The following ATG5 variants were observed in gnomAD, a reference collection of about 807,000 sequenced individuals.
The protein encoded by ATG5 is autophagy related 5.
In ATG5, 14 loss-of-function variants were observed where a neutral mutation model predicts 36.5. The observed-to-expected ratio is 0.38, with a 90% CI of 0.25 to 0.60. The LOEUF (loss-of-function observed/expected upper bound fraction) is 0.60, where lower values mean the gene tolerates loss of function less well. Among genes scored for constraint, ATG5 ranks in the 20% least tolerant of loss-of-function variants. ATG5 has a pLI of 0.60. For missense variants in ATG5, 195 were observed against 326.7 expected, an observed-to-expected ratio of 0.60 and a Z score of 3.11; for synonymous variants, 95 against 101.5, an observed-to-expected ratio of 0.94 and a Z score of 0.38.
intron 1 of ATG5, among the ~76,000 whole-genome samples, chr6:106,324,629 A>C (rs927822003): frequency 2.0e-5 from 3 of 152,334 alleles, no homozygotes; most frequent in African/African-American, 4.8e-5. Flanking sequence ...TACACACTTG[A>C]GGTGTGTGCA....
intron 5 of ATG5, among the ~76,000 whole-genome samples, chr6:106,273,383 C>T (rs1403937784): frequency 6.6e-6 from 1 of 152,092 alleles, no homozygotes; most frequent in Non-Finnish European, 1.5e-5. Flanking sequence ...CTTAAAAAGA[C>T]CGAGAAGGAG....
At chr6:106,249,873 C>T (rs1366192946) in intron 5 of ATG5, among the ~76,000 whole-genome samples, 1 of 152,214 alleles carries the variant, frequency 6.6e-6, no homozygotes, top group Non-Finnish European at 1.5e-5. Flanking sequence ...TGAGCATCTT[C>T]TCATGTGCTC....
intron 6 of ATG5, among the ~76,000 whole-genome samples, chr6:106,240,079 AC>A (rs1373372187): frequency 1.3e-5 from 2 of 151,810 alleles, no homozygotes; most frequent in African/African-American, 2.4e-5. Context: ...TGCAGCCTCA[AC>A]CTCCCAGGTT....
chr6:106,209,330 C>A (rs75108377), intron 6 of ATG5, among the ~76,000 whole-genome samples: 1 of 152,078 alleles, frequency 6.6e-6, no homozygotes, highest in African/African-American at 2.4e-5. Flanking sequence ...GTCTGTCCCA[C>A]GGAATACTAC....
At chr6:106,190,871 C>A (rs560589027) in intron 7 of ATG5, among the ~76,000 whole-genome samples, 1 of 152,178 alleles carries the variant, frequency 6.6e-6, no homozygotes, top group South Asian at 2.1e-4. Context: ...GACATAGATA[C>A]AATGACTGTT....
intron 6 of ATG5, among the ~76,000 whole-genome samples, chr6:106,213,580 G>A (rs1057439851): frequency 2.0e-5 from 3 of 152,082 alleles, no homozygotes; most frequent in African/African-American, 7.2e-5. Flanking sequence ...GTATTCAGAG[G>A]GCAGACTGAA....
chr6:106,248,892 C>A (rs1330628071), intron 5 of ATG5, among the ~76,000 whole-genome samples: 1 of 152,132 alleles, frequency 6.6e-6, no homozygotes, highest in East Asian at 1.9e-4. Flanking sequence ...GAGCCGAGAT[C>A]ACGCCATTGC....
rs903340291 is a variant in ATG5, at chr6:106,185,796, T to A, written c.*744A>T. On this transcript the variant is annotated 3_prime_UTR_variant, in exon 8 of 8. Transcript: ENST00000369076. The stretch of plus-strand genomic sequence containing the variant: ...ATTCTATGACAGCTTCTGAGACAAG[T>A]AATCCTATGCCCTATATCCACCCCA... The A allele has an allele frequency of 3.3e-5, 5 of 152,418 alleles. No individual in the cohort carries two copies. The highest frequency in any genetic ancestry group is 1.2e-4 in the African/African-American group (5 of 41,458). The allele number at this position is 152,418 out of a possible 1,614,324, so 9.4% of individuals were successfully genotyped here. A position where few individuals can be genotyped will look rare whatever the true frequency, so the allele number is the denominator to read the frequency against.
At chr6:106,271,037 T>G (rs1022540703) in intron 5 of ATG5, among the ~76,000 whole-genome samples, 4 of 152,326 alleles carry the variant, frequency 2.6e-5, no homozygotes, top group African/African-American at 9.6e-5. Flanking sequence ...CCTATTCCAT[T>G]CTACATTGAA....
chr6:106,223,469 C>T (rs1777327915), intron 6 of ATG5, among the ~76,000 whole-genome samples: 4 of 152,262 alleles, frequency 2.6e-5, no homozygotes, highest in South Asian at 2.1e-4. Flanking sequence ...TCAATCTCAG[C>T]GTAGTAGATA....
At position 106,246,716 on chromosome 6, in the gene ATG5, C is replaced by T. The variant is rs115919884; in HGVS notation, c.573+1434G>A. ...GAGGTATAAATCTCAAAACAGTTTC[C>T]GGACTCTTTGTGAAATGTCTTCAGA... On this transcript the variant is annotated intron_variant, in intron 6 of 7. Transcript: ENST00000369076. Among the ~76,000 whole-genome samples the T allele has an allele frequency of 6.6e-3, 1,009 of 152,220 alleles. 15 individuals are homozygous for T. The highest frequency in any genetic ancestry group is 0.024 in the African/African-American group (982 of 41,516).
At chr6:106,307,426 T>C (rs1183914508) in intron 3 of ATG5, among the ~76,000 whole-genome samples, 2 of 152,112 alleles carry the variant, frequency 1.3e-5, no homozygotes, top group African/African-American at 4.8e-5. Flanking sequence ...TCCAGTTTCA[T>C]TAAATATTTT....
intron 4 of ATG5, among the ~76,000 whole-genome samples, chr6:106,290,070 T>G (rs938699231): frequency 1.3e-5 from 2 of 151,870 alleles, no homozygotes; most frequent in African/African-American, 4.8e-5. Context: ...TCACCCAGGA[T>G]AGAGTGCAAT....
At chr6:106,242,552 T>G (rs1778169851) in intron 6 of ATG5, among the ~76,000 whole-genome samples, 1 of 151,804 alleles carries the variant, frequency 6.6e-6, no homozygotes, top group Non-Finnish European at 1.5e-5. Context: ...ATTATAAATT[T>G]TATGTTACAT....
At chr6:106,270,594 C>T (rs1779418260) in intron 5 of ATG5, among the ~76,000 whole-genome samples, 1 of 152,098 alleles carries the variant, frequency 6.6e-6, no homozygotes, top group African/African-American at 2.4e-5. Flanking sequence ...AAACACAGTA[C>T]GAAACTAGAA....
In ATG5 at chr6:106,235,632, T is replaced by G. The variant is rs994766836; in HGVS notation, c.573+12518A>C. Among the ~76,000 whole-genome samples, 6 of 152,128 alleles carry G rather than the reference T, an allele frequency of 3.9e-5. No individual in the cohort carries two copies. In the South Asian group the frequency reaches 6.2e-4, roughly 16 times the overall value. ...TAGTAAAGAGAGCTCACTAAAATGC[T>G]AATTAGACAAAAACAGGAGGTAAAA... On this transcript the variant is annotated intron_variant, in intron 6 of 7. Coordinates refer to ENST00000369076, the MANE Select transcript of ATG5 (RefSeq NM_004849.4).
rs1365627465 is a variant in ATG5, at chr6:106,251,744, AAAAG to A, written c.479-3504_479-3501del. Among the ~76,000 whole-genome samples the A allele has an allele frequency of 3.0e-4, 45 of 149,810 alleles. 1 individual carries two copies. The highest frequency in any genetic ancestry group is 1.1e-3 in the South Asian group (5 of 4,686). Reference sequence around the variant, plus strand: ...GAAAGAGAAAGAGAAAGAAAGAAAGAAAAGAAAGAAAGAAAAAGAAAAGAAGAAA... The same window carrying A: ...GAAAGAGAAAGAGAAAGAAAGAAAGAAAAGAAAGAAAAAGAAAAGAAGAAA... On this transcript the variant is annotated intron_variant, in intron 5 of 7. Coordinates refer to ENST00000369076, the MANE Select transcript of ATG5 (RefSeq NM_004849.4).
intron 4 of ATG5, among the ~76,000 whole-genome samples, chr6:106,287,656 T>C (rs775810854): frequency 1.3e-5 from 2 of 152,218 alleles, no homozygotes; most frequent in Non-Finnish European, 2.9e-5. Flanking sequence ...AAACTTTATT[T>C]AGGATTTGCA....
chr6:106,245,068 T>G (rs577561862), intron 6 of ATG5, among the ~76,000 whole-genome samples: 1 of 152,188 alleles, frequency 6.6e-6, no homozygotes, highest in African/African-American at 2.4e-5. Context: ...TACTGGCTAA[T>G]ATGAAGCACC....
Sources: allele counts gnomAD v4.1 joint callset (sites outside exome capture counted in the v4.1 genomes callset), GRCh38; gene constraint gnomAD v4.1.1; transcripts MANE v1.5; gene names NCBI Gene and HGNC (gene_info 2026-07-23, HGNC 2026-07-21).